GTF2H2C: variants seen among roughly 807,000 people sequenced by gnomAD.
GTF2H2C encodes the protein general transcription factor IIH subunit 2-like protein.
GTF2H2C carries 5 observed loss-of-function variants against 24.8 expected under a neutral mutation model. The ratio of observed to expected loss-of-function variants is 0.20; its 90% confidence interval spans 0.11 to 0.42. GTF2H2C has a LOEUF of 0.42. GTF2H2C is among the 20% of genes least tolerant of loss of function. The pLI is 1.00. For missense variants in GTF2H2C, 45 were observed against 169.8 expected, an observed-to-expected ratio of 0.27 and a Z score of 4.08; for synonymous variants, 14 against 52.6, an observed-to-expected ratio of 0.27 and a Z score of 3.18.
At position 69,560,330 on chromosome 5, in the gene GTF2H2C, G is replaced by C. The variant is rs958359357; in HGVS notation, c.-205G>C. ...CGGCTGGGAGCGTTTTCGTGGCGGG[G>C]AACGGAGGTTGAATTGCCCTGCCTG... On this transcript the variant is annotated 5_prime_UTR_variant, in exon 1 of 17. Transcript: ENST00000380729. 2.0e-5 allele frequency: 3 copies of C among 151,614 alleles called. No individual in the cohort carries two copies. The highest frequency in any genetic ancestry group is 7.3e-5 in the African/African-American group (3 of 41,124). The allele number at this position is 151,614 out of a possible 1,614,324, so 9.4% of individuals were successfully genotyped here.
chr5:69,566,317 G>C, intron 4 of GTF2H2C, 109 bp downstream of exon 4: 1 of 1,475,022 alleles, frequency 6.8e-7, no homozygotes, highest in Non-Finnish European at 9.3e-7. Flanking sequence ...CAGGGAAACT[G>C]ACCTATTGCC....
At chr5:69,561,033 G>A (rs914548466) in intron 1 of GTF2H2C, among the ~76,000 whole-genome samples, 2 of 152,072 alleles carry the variant, frequency 1.3e-5, no homozygotes, top group Non-Finnish European at 2.9e-5. Context: ...TGGGATTACA[G>A]GTGTGAGCCA....
chr5:69,560,763 AT>A (rs1041835075), intron 1 of GTF2H2C, among the ~76,000 whole-genome samples: 1 of 151,366 alleles, frequency 6.6e-6, no homozygotes, highest in Non-Finnish European at 1.5e-5. Context: ...ACTTAAAAAA[AT>A]TTTTTTTTCT....
At chr5:69,577,388 C>T (rs1218045827) in intron 9 of GTF2H2C, among the ~76,000 whole-genome samples, 1 of 138,574 alleles carries the variant, frequency 7.2e-6, no homozygotes, top group Non-Finnish European at 1.5e-5. Context: ...TGCACACTTA[C>T]TAGACTACAG....
chr5:69,563,620 C>T (rs1314106407), intron 2 of GTF2H2C, among the ~76,000 whole-genome samples: 1 of 152,002 alleles, frequency 6.6e-6, no homozygotes, highest in African/African-American at 2.4e-5. Flanking sequence ...GTTTGGTATA[C>T]AAATGATCCC....
At chr5:69,563,157 T>C (rs186529438) in intron 2 of GTF2H2C, among the ~76,000 whole-genome samples, 1 of 151,414 alleles carries the variant, frequency 6.6e-6, no homozygotes, top group Non-Finnish European at 1.5e-5. Flanking sequence ...TCACCTGCTT[T>C]AGTCTCCCAA....
intron 1 of GTF2H2C, among the ~76,000 whole-genome samples, chr5:69,561,172 A>G (rs1396162033): frequency 6.6e-6 from 1 of 151,968 alleles, no homozygotes; most frequent in Non-Finnish European, 1.5e-5. Flanking sequence ...GTTTACAATC[A>G]GACTTCCCAT....
At chr5:69,573,145 T>TACACACACACACACACACACAC (rs779761105) in intron 9 of GTF2H2C, among the ~76,000 whole-genome samples, 9 of 117,438 alleles carry the variant, frequency 7.7e-5, no homozygotes. Context: ...CTATTATATA[T>TACACACACACACACACACACAC]ACACACACAC....
rs1772107081 is a variant in GTF2H2C at position 69,594,395 on chromosome 5, C to T, written c.*2197C>T. ...ATCAGTAAAGACAACGTAATCCCAC[C>T]CTGGAGAGTTTATTGGGAGCCCAGG... On this transcript the variant is annotated 3_prime_UTR_variant, in exon 17 of 17. Transcript: ENST00000380729. 1 of 144,942 alleles carries T rather than the reference C, an allele frequency of 6.9e-6. No homozygotes were observed. The highest frequency in any genetic ancestry group is 2.5e-5 in the African/African-American group (1 of 40,050). 9.0% of individuals were successfully genotyped at this position (144,942 alleles called of 1,614,324 possible).
At chr5:69,565,964 C>T in intron 3 of GTF2H2C, 167 bp from the exon 4 acceptor site, 3 of 607,344 alleles carry the variant, frequency 4.9e-6, no homozygotes, top group Non-Finnish European at 8.9e-6. Flanking sequence ...TATTGTTTAT[C>T]CATTCACTAG....
chr5:69,580,773 A>G (rs1771528773), intron 12 of GTF2H2C, among the ~76,000 whole-genome samples: 1 of 145,928 alleles, frequency 6.9e-6, no homozygotes, highest in Admixed American at 7.3e-5. Context: ...ATAAGCTACA[A>G]AATTCTCTGT....
intron 12 of GTF2H2C, among the ~76,000 whole-genome samples, chr5:69,580,373 G>A (rs1410689379): frequency 2.0e-4 from 29 of 144,008 alleles, no homozygotes; most frequent in East Asian, 6.3e-4. Context: ...TAGCCTGGGC[G>A]ACAGAGCGAG....
chr5:69,587,180 C>CA (rs1168137991), intron 15 of GTF2H2C, among the ~76,000 whole-genome samples: 40 of 37,200 alleles, frequency 1.1e-3, no homozygotes, highest in African/African-American at 4.7e-3. Context: ...AACTTCGTCT[C>CA]AAAAAAAAAA....
intron 8 of GTF2H2C, among the ~76,000 whole-genome samples, chr5:69,571,377 GA>G (rs1406887525): frequency 2.3e-4 from 12 of 53,116 alleles, no homozygotes; most frequent in African/African-American, 3.9e-4. Flanking sequence ...ATATTAAAAA[GA>G]AAAAAAAGGA....
At chr5:69,580,958 CTCAGCTCACA>C (rs1414481847) in intron 12 of GTF2H2C, among the ~76,000 whole-genome samples, 1 of 86,700 alleles carries the variant, frequency 1.2e-5, no homozygotes. Context: ...GTGGTGCGAT[CTCAGCTCACA>C]CTGCAACCTC....
rs1359421538 is a variant in GTF2H2C at position 69,569,601 on chromosome 5, G to A, written c.364+1394G>A. On this transcript the variant is annotated intron_variant, in intron 8 of 16. Coordinates refer to ENST00000380729, the MANE Select transcript of GTF2H2C (RefSeq NM_001376000.2). Reference sequence around the variant, plus strand: ...GCAGGATTATTATATAGTGGAAGAAGGATGGTTCCTCCAAGGTAGGAATAT... The same window carrying A: ...GCAGGATTATTATATAGTGGAAGAAAGATGGTTCCTCCAAGGTAGGAATAT... 1.2e-4 allele frequency: 6 copies of A among 51,294 alleles called. 1 individual carries two copies. The highest frequency in any genetic ancestry group is 2.4e-4 in the African/African-American group (6 of 24,704). The allele number at this position is 51,294 out of a possible 1,614,324, so 3.2% of individuals were successfully genotyped here.
At position 69,579,785 on chromosome 5, in the gene GTF2H2C, C is replaced by T. The variant is rs1317022550; in HGVS notation, c.678C>T (p.Ser226=). 1.9e-6 allele frequency: 3 copies of T among 1,606,672 alleles called. No individual in the cohort carries two copies. The highest frequency in any genetic ancestry group is 2.5e-6 in the Non-Finnish European group (3 of 1,179,100). Residue 226 remains serine, a synonymous_variant, in exon 12 of 17, where the codon AGC becomes AGT. Transcript: ENST00000380729. The part of the protein sequence containing the change: ...GGTYHVILDE[S]HYKELLTHHL... ...CGTACCATGTTATTTTAGATGAAAG[C>T]CATTACAAAGAGTTGCTCACACATC...
At chr5:69,580,896 T>C (rs1057380883) in intron 12 of GTF2H2C, among the ~76,000 whole-genome samples, 8 of 125,230 alleles carry the variant, frequency 6.4e-5, no homozygotes, top group African/African-American at 1.8e-4. Flanking sequence ...CTTTTTTTTT[T>C]CTTTTTTTTT....
chr5:69,562,401 G>A (rs1213810303), intron 1 of GTF2H2C, among the ~76,000 whole-genome samples: 2 of 151,916 alleles, frequency 1.3e-5, no homozygotes, highest in East Asian at 3.9e-4. Flanking sequence ...CAAGTCAGGC[G>A]AAACCCTGGC....
Sources: allele counts gnomAD v4.1 joint callset (sites outside exome capture counted in the v4.1 genomes callset), GRCh38; gene constraint gnomAD v4.1.1; transcripts MANE v1.5; gene names NCBI Gene and HGNC (gene_info 2026-07-23, HGNC 2026-07-21).